Variants in TMEM168 observed in about 807,000 individuals in gnomAD.
TMEM168 encodes transmembrane protein 168.
In TMEM168, 40 loss-of-function variants were observed where a neutral mutation model predicts 53.2. The ratio of observed to expected loss-of-function variants is 0.75; its 90% CI spans 0.58 to 0.98. The LOEUF (loss-of-function observed/expected upper bound fraction) is 0.98. Ranked by LOEUF, TMEM168 falls within the 50% of genes least tolerant of loss-of-function variation. TMEM168 has a pLI of 0.00. For synonymous variants in TMEM168, 282 were observed against 293.0 expected (o/e 0.96, Z 0.38); for missense variants, 771 against 828.8 (o/e 0.93, Z 0.86).
At position 112,767,108 on chromosome 7, in the gene TMEM168, C is replaced by T. The variant is rs1463975444; in HGVS notation, c.*89G>A. ...GCTACAGAAGTAGCAAGGTATTTTC[C>T]ACAAATAAAAATACAGCATACAAAA... On this transcript the variant is annotated 3_prime_UTR_variant, in exon 5 of 5. Transcript: ENST00000312814. The T allele has an allele frequency of 3.8e-6, 5 of 1,325,538 alleles. No individual in the cohort carries two copies. The East Asian group carries it at 1.2e-4, about 31-fold the overall frequency. The allele number at this position is 1,325,538 out of a possible 1,614,324, so 82.1% of individuals were successfully genotyped here.
rs994396488 is a variant in TMEM168 at position 112,777,900 on chromosome 7, G to C, written c.1129-2582C>G. On this transcript the variant is annotated intron_variant, in intron 2 of 4. Coordinates refer to ENST00000312814, the MANE Select transcript of TMEM168 (RefSeq NM_022484.6). ...TGCTCTTGGTGCTGTGTGTGTGTGTGTGTGTGTGTGTGTGTGTGTGTGTGT... is the reference window on the plus strand; with the variant it reads ...TGCTCTTGGTGCTGTGTGTGTGTGTCTGTGTGTGTGTGTGTGTGTGTGTGT... Among the ~76,000 whole-genome samples the C allele has an allele frequency of 1.4e-4, 7 of 51,058 alleles. No homozygotes were observed. The African/African-American group carries it at 2.1e-3, about 15-fold the overall frequency. 33.5% of individuals were successfully genotyped at this position (51,058 alleles called of 152,430 possible). A position where few individuals can be genotyped will look rare whatever the true frequency, so the allele number is the denominator to read the frequency against.
chr7:112,776,837 G>A (rs1323443016), intron 2 of TMEM168, among the ~76,000 whole-genome samples: 1 of 151,418 alleles, frequency 6.6e-6, no homozygotes, highest in Non-Finnish European at 1.5e-5. Flanking sequence ...CACTTGTAAA[G>A]ACCAAATGGC....
chr7:112,766,884 T>C lies in TMEM168; in HGVS notation c.*313A>G. The C allele has an allele frequency of 8.1e-6, 2 of 247,866 alleles. No individual in the cohort carries two copies. Among genetic ancestry groups the C allele is most frequent in the Non-Finnish European group, 1.5e-5 (2 of 129,700 alleles). 15.4% of individuals were successfully genotyped at this position (247,866 alleles called of 1,614,324 possible). On this transcript the variant is annotated 3_prime_UTR_variant, in exon 5 of 5. Transcript: ENST00000312814. ...AAATAAGGCATTAGTAATTCATCAT[T>C]GACCATTGCAGAGCATAGACAACTG...
rs574125766 is a variant in TMEM168 at position 112,790,382 on chromosome 7, G to T, written c.-351C>A. Reference sequence around the variant, plus strand: ...CGGCCGCGACCGCCATGTTTCCGCCGCCGAAATCCGCGACGGTACGGAACG... The same window carrying T: ...CGGCCGCGACCGCCATGTTTCCGCCTCCGAAATCCGCGACGGTACGGAACG... On this transcript the variant is annotated 5_prime_UTR_variant, in exon 1 of 5. Transcript: ENST00000312814. 1 of 152,312 alleles carries T rather than the reference G, an allele frequency of 6.6e-6. No homozygotes were observed. Among genetic ancestry groups the T allele is most frequent in the African/African-American group, 2.4e-5 (1 of 41,462 alleles). The allele number at this position is 152,312 out of a possible 1,614,324, so 9.4% of individuals were successfully genotyped here.
rs984296035 is a variant in TMEM168 at position 112,765,678 on chromosome 7, A to G, written c.*1519T>C. ...AACATGGGCATTTTTAATGACTACC[A>G]CTTTTAATAAATATACTAAAATATT... On this transcript the variant is annotated 3_prime_UTR_variant, in exon 5 of 5. Transcript: ENST00000312814. 2.0e-5 allele frequency: 3 copies of G among 152,422 alleles called. No individual in the cohort carries two copies. The highest frequency in any genetic ancestry group is 6.5e-5 in the Admixed American group (1 of 15,274). 9.4% of individuals were successfully genotyped at this position (152,422 alleles called of 1,614,324 possible).
At chr7:112,774,577 C>A (rs1358872789) in intron 3 of TMEM168, among the ~76,000 whole-genome samples, 1 of 150,042 alleles carries the variant, frequency 6.7e-6, no homozygotes, top group Non-Finnish European at 1.5e-5. Context: ...CTTTCTTTTG[C>A]TTTTTTCCTT....
chr7:112,782,425 T>C (rs79387240), intron 2 of TMEM168, among the ~76,000 whole-genome samples: 4,097 of 152,076 alleles, frequency 0.027, 197 homozygotes, highest in African/African-American at 0.093. Context: ...GAGGCTGACT[T>C]GGAAAAGAAA....
At position 112,784,105 on chromosome 7, in the gene TMEM168, T is replaced by A. The variant is rs138989344; in HGVS notation, c.721A>T (p.Ile241Phe). The A allele has an allele frequency of 2.1e-5, 34 of 1,613,154 alleles. No individual in the cohort carries two copies. The highest frequency in any genetic ancestry group is 2.8e-5 in the Non-Finnish European group (33 of 1,179,860). ...ICLITDPFLD[I>F]YFSGLSVTER... ...GTTACTGAAAGTCCACTAAAATAAA[T>A]GTCAAGGAAAGGATCAGTTATCAGG... is the stretch of plus-strand genomic sequence containing the variant. The change falls in exon 2 of 5, where the codon ATT (isoleucine) becomes TTT (phenylalanine). Residue 241 changes from isoleucine (I) to phenylalanine (F), a missense_variant. By Grantham distance (21) the Ile-to-Phe change is conservative (BLOSUM62 0). Transcript: ENST00000312814.
chr7:112,763,921 T>C lies in TMEM168; in HGVS notation c.*3276A>G, dbSNP rs113335267. The C allele has an allele frequency of 2.0e-3, 300 of 152,240 alleles. No homozygotes were observed. Among genetic ancestry groups the C allele is most frequent in the African/African-American group, 6.7e-3 (279 of 41,580 alleles). The allele number at this position is 152,240 out of a possible 1,614,324, so 9.4% of individuals were successfully genotyped here. ...GAAATGCATCTTTTCCAAAGAATTTTGAATTTATTAAGAGCAAGACAGAAT... is the reference window on the plus strand; with the variant it reads ...GAAATGCATCTTTTCCAAAGAATTTCGAATTTATTAAGAGCAAGACAGAAT... On this transcript the variant is annotated 3_prime_UTR_variant, in exon 5 of 5. Coordinates refer to ENST00000312814, the MANE Select transcript of TMEM168 (RefSeq NM_022484.6).
In TMEM168 at chr7:112,783,967, C is replaced by T. The variant is rs749007567; in HGVS notation, c.859G>A (p.Asp287Asn). The change falls in exon 2 of 5, where the codon GAC becomes AAC. Residue 287 changes from aspartate (D) to asparagine (N), a missense_variant. By Grantham distance (23) the Asp-to-Asn change is conservative. Coordinates refer to ENST00000312814, the MANE Select transcript of TMEM168 (RefSeq NM_022484.6). Reference sequence around the variant, plus strand: ...ATTACAAAATACCAGAGGTGAGTGTCTCTAAGTTTGAATGCGGAAAGAATA... The same window carrying T: ...ATTACAAAATACCAGAGGTGAGTGTTTCTAAGTTTGAATGCGGAAAGAATA... ...FFILSAFKLR[D>N]THLWYFVIPG... 3 of 1,612,716 alleles carry T rather than the reference C, an allele frequency of 1.9e-6. No homozygotes were observed. The African/African-American group carries it at 4.0e-5, about 22-fold the overall frequency.
intron 4 of TMEM168, among the ~76,000 whole-genome samples, chr7:112,770,809 A>T (rs75929211): frequency 0.027 from 4,097 of 152,264 alleles, 193 homozygotes; most frequent in African/African-American, 0.093. Flanking sequence ...ATAAACACAC[A>T]TAAAAAGCTT....
chr7:112,765,944 T>A lies in TMEM168; in HGVS notation c.*1253A>T, dbSNP rs1260700341. The A allele has an allele frequency of 2.6e-5, 4 of 152,540 alleles. No homozygotes were observed. The highest frequency in any genetic ancestry group is 9.7e-5 in the African/African-American group (4 of 41,422). The allele number at this position is 152,540 out of a possible 1,614,324, so 9.4% of individuals were successfully genotyped here. ...TGAGGCTATAAAAAAATGGCTTCAA[T>A]GGTGAGAAGGCAAACCATTTAAACA... is the stretch of plus-strand genomic sequence containing the variant. On this transcript the variant is annotated 3_prime_UTR_variant, in exon 5 of 5. Coordinates refer to ENST00000312814, the MANE Select transcript of TMEM168 (RefSeq NM_022484.6).
chr7:112,767,101 T>C lies in TMEM168; in HGVS notation c.*96A>G. The stretch of plus-strand genomic sequence containing the variant: ...GAGAGCAGCTACAGAAGTAGCAAGG[T>C]ATTTTCCACAAATAAAAATACAGCA... On this transcript the variant is annotated 3_prime_UTR_variant, in exon 5 of 5. Transcript: ENST00000312814. 1.6e-6 allele frequency: 2 copies of C among 1,222,786 alleles called. No homozygotes were observed. The highest frequency in any genetic ancestry group is 2.3e-6 in the Non-Finnish European group (2 of 884,358). 75.7% of individuals were successfully genotyped at this position (1,222,786 alleles called of 1,614,324 possible).
rs1792787401 is a variant in TMEM168 at position 112,766,696 on chromosome 7, C to CTCTT, written c.*497_*500dup. On this transcript the variant is annotated 3_prime_UTR_variant, in exon 5 of 5. Transcript: ENST00000312814. Reference sequence around the variant, plus strand: ...AATTTTGCGTTTATTTTAGGCTGCCCTCTTTCTTTTCTAAGAGAAAGAGTT... The same window carrying CTCTT: ...AATTTTGCGTTTATTTTAGGCTGCCCTCTTTCTTTCTTTTCTAAGAGAAAGAGTT... 6.5e-6 allele frequency: 1 copy of CTCTT among 153,122 alleles called. No individual in the cohort carries two copies. The highest frequency in any genetic ancestry group is 1.5e-5 in the Non-Finnish European group (1 of 68,484). 9.5% of individuals were successfully genotyped at this position (153,122 alleles called of 1,614,324 possible).
chr7:112,774,882 G>A (rs990932073), intron 3 of TMEM168, among the ~76,000 whole-genome samples: 1 of 152,058 alleles, frequency 6.6e-6, no homozygotes, highest in African/African-American at 2.4e-5. Flanking sequence ...CGACCAGCCA[G>A]AGGACACTTT....
At position 112,767,076 on chromosome 7, in the gene TMEM168, G is replaced by T; in HGVS notation, c.*121C>A. The stretch of plus-strand genomic sequence containing the variant: ...ATAATTACTTAAGAAAAGACAAAGT[G>T]AGAGCAGCTACAGAAGTAGCAAGGT... On this transcript the variant is annotated 3_prime_UTR_variant, in exon 5 of 5. Coordinates refer to ENST00000312814, the MANE Select transcript of TMEM168 (RefSeq NM_022484.6). 1.0e-6 allele frequency: 1 copy of T among 983,768 alleles called. No homozygotes were observed. Among genetic ancestry groups the T allele is most frequent in the Non-Finnish European group, 1.5e-6 (1 of 681,472 alleles). The allele number at this position is 983,768 out of a possible 1,614,324, so 60.9% of individuals were successfully genotyped here. A position where few individuals can be genotyped will look rare whatever the true frequency, so the allele number is the denominator to read the frequency against.
In TMEM168 at chr7:112,767,326, A is replaced by C. The variant is rs770127042; in HGVS notation, c.1965T>G (p.Asn655Lys). 14 of 1,614,164 alleles carry C rather than the reference A, an allele frequency of 8.7e-6. No homozygotes were observed. The highest frequency in any genetic ancestry group is 1.1e-5 in the Non-Finnish European group (13 of 1,180,006). The change falls in exon 5 of 5, where the codon AAT becomes AAG. Residue 655 changes from asparagine (N) to lysine (K), a missense_variant. Transcript: ENST00000312814. ...AAAAAAGGTTCAGACCGCATAACCA[A>C]TTTGCCAAATGCACTAGGGGATATG... The part of the protein sequence containing the change: ...RITYPLVHLA[N>K]WLCGLNLFWI...
chr7:112,774,974 T>C (rs972720002), intron 3 of TMEM168, among the ~76,000 whole-genome samples: 8 of 152,230 alleles, frequency 5.3e-5, no homozygotes, highest in Admixed American at 2.6e-4. Flanking sequence ...AGCTAAAATA[T>C]AAGCTTATCA....
chr7:112,769,482 C>G (rs1792875832), intron 4 of TMEM168, among the ~76,000 whole-genome samples: 1 of 152,132 alleles, frequency 6.6e-6, no homozygotes, highest in Admixed American at 6.5e-5. Flanking sequence ...AACATGCCAT[C>G]CACAACTATT....
Sources: allele counts gnomAD v4.1 joint callset (sites outside exome capture counted in the v4.1 genomes callset), GRCh38; gene constraint gnomAD v4.1.1; transcripts MANE v1.5; gene names NCBI Gene and HGNC (gene_info 2026-07-23, HGNC 2026-07-21).